SLIRP: variants seen among roughly 807,000 people sequenced by gnomAD.
The protein encoded by SLIRP is SRA stem-loop-interacting RNA-binding protein, mitochondrial.
In SLIRP, 12 loss-of-function variants were observed where a neutral mutation model predicts 13.4. The observed-to-expected ratio is 0.89, with a 90% confidence interval of 0.57 to 1.45. The LOEUF is 1.45. Ranked by LOEUF, SLIRP falls within the 40% of genes most tolerant of loss-of-function variation. The probability of loss-of-function intolerance (pLI) is 0.00; values close to 1 mark genes in which losing one functional copy is unlikely to be tolerated. For missense variants in SLIRP, 154 were observed against 132.2 expected, an observed-to-expected ratio of 1.17 and a Z score of -0.81; for synonymous variants, 55 against 47.1, an observed-to-expected ratio of 1.17 and a Z score of -0.69.
rs1400388657 is a variant in SLIRP at position 77,715,843 on chromosome 14, A to C, written c.228A>C (p.Ala76=). 1.9e-6 allele frequency: 3 copies of C among 1,614,004 alleles called. No individual in the cohort carries two copies. The highest frequency in any genetic ancestry group is 2.7e-5 in the African/African-American group (2 of 74,924). ...QFSSEEGLRN[A]LQQENHIIDG... is the part of the protein sequence containing the mutation. ...CTTCAGAAGAAGGACTTCGGAATGC[A>C]CTACAACAGGAAAATCATATTATAG... Residue 76 remains alanine, a synonymous_variant, in exon 3 of 4, where the codon GCA becomes GCC. Coordinates refer to ENST00000557342, the MANE Select transcript of SLIRP (RefSeq NM_031210.6).
At position 77,709,758 on chromosome 14, in the gene SLIRP, A is replaced by G. The variant is rs534224760; in HGVS notation, c.98-1080A>G. Among the ~76,000 whole-genome samples, 5 of 152,340 alleles carry G rather than the reference A, an allele frequency of 3.3e-5. No individual in the cohort carries two copies. The South Asian group carries it at 8.3e-4, about 25-fold the overall frequency. On this transcript the variant is annotated intron_variant, in intron 1 of 3. Coordinates refer to ENST00000557342, the MANE Select transcript of SLIRP (RefSeq NM_031210.6). ...GGACTTTAATTATCTGGTATAAAACATATGTTTAACATTATTTTGTTCTCC... is the reference window on the plus strand; with the variant it reads ...GGACTTTAATTATCTGGTATAAAACGTATGTTTAACATTATTTTGTTCTCC...
chr14:77,716,579 T>C (rs1595068448), intron 3 of SLIRP, among the ~76,000 whole-genome samples: 1 of 132,888 alleles, frequency 7.5e-6, no homozygotes, highest in South Asian at 2.6e-4. Context: ...GAGACAGAGG[T>C]TGCAGTGAAC....
Position 77,708,145 on chromosome 14 carries a change from C to G in SLIRP, c.34C>G (p.Leu12Val). The change falls in exon 1 of 4, where the codon CTG becomes GTG. Residue 12 changes from leucine to valine, a missense_variant. By Grantham distance (32) the Leu-to-Val change is conservative (BLOSUM62 1). Transcript: ENST00000557342. ...CTCAGCAGCGAGAGGTGCTGCGGCG[C>G]TGCGTAGAAGTATCAATCAGCCGGT... ...AASAARGAAALRRSINQPVAF... is the reference protein window; with the variant it reads ...AASAARGAAAVRRSINQPVAF... 2 of 1,614,158 alleles carry G rather than the reference C, an allele frequency of 1.2e-6. No homozygotes were observed. Among genetic ancestry groups the G allele is most frequent in the Non-Finnish European group, 1.7e-6 (2 of 1,180,022 alleles).
At chr14:77,708,911 A>G (rs1270560081) in intron 1 of SLIRP, among the ~76,000 whole-genome samples, 2 of 152,184 alleles carry the variant, frequency 1.3e-5, no homozygotes, top group African/African-American at 2.4e-5. Context: ...TGGCCATTTA[A>G]TCGTTGTTAT....
At chr14:77,709,611 G>GCAAA (rs2080424740) in intron 1 of SLIRP, among the ~76,000 whole-genome samples, 1 of 152,292 alleles carries the variant, frequency 6.6e-6, no homozygotes, top group South Asian at 2.1e-4. Context: ...ATTTATTTGA[G>GCAAA]TATCTATTCT....
intron 3 of SLIRP, among the ~76,000 whole-genome samples, chr14:77,716,737 T>TATGTAACACAGTGGAC (rs1032242545): frequency 6.6e-6 from 1 of 151,538 alleles, no homozygotes; most frequent in Non-Finnish European, 1.5e-5. Flanking sequence ...GGTAGCAAGA[T>TATGTAACACAGTGGAC]ATGTAACACA....
intron 2 of SLIRP, among the ~76,000 whole-genome samples, chr14:77,714,881 G>A (rs1175703118): frequency 6.6e-6 from 1 of 152,162 alleles, no homozygotes; most frequent in African/African-American, 2.4e-5. Context: ...TTCTGTCGAA[G>A]GGCTGGAGGG....
Position 77,710,537 on chromosome 14 carries a change from A to G in SLIRP, c.98-301A>G, listed in dbSNP as rs533245794. 2.6e-5 allele frequency: 35 copies of G among 1,371,858 alleles called. No homozygotes were observed. The East Asian group carries it at 1.0e-3, about 39-fold the overall frequency. The allele number at this position is 1,371,858 out of a possible 1,614,324, so 85.0% of individuals were successfully genotyped here. On this transcript the variant is annotated intron_variant, in intron 1 of 3. Coordinates refer to ENST00000557342, the MANE Select transcript of SLIRP (RefSeq NM_031210.6). ...TGGATTGTAATTTGTCTTTTTCTTCATTGTGATCTGCTCACAGGGATCATA... is the reference window on the plus strand; with the variant it reads ...TGGATTGTAATTTGTCTTTTTCTTCGTTGTGATCTGCTCACAGGGATCATA...
chr14:77,710,933 G>A (rs778281161), intron 2 of SLIRP, 37 bp downstream of exon 2: 1 of 1,579,412 alleles, frequency 6.3e-7, no homozygotes, highest in Admixed American at 1.7e-5. Flanking sequence ...AGGTGGGGAT[G>A]GCTAATGGGT....
intron 2 of SLIRP, among the ~76,000 whole-genome samples, chr14:77,713,233 T>G (rs1208371413): frequency 6.6e-6 from 1 of 152,230 alleles, no homozygotes; most frequent in Non-Finnish European, 1.5e-5. Flanking sequence ...TTAATTACAT[T>G]TCCTTTGCTT....
At chr14:77,711,629 C>G (rs908090325) in intron 2 of SLIRP, 1 of 152,212 alleles carries the variant, frequency 6.6e-6, no homozygotes, top group African/African-American at 2.4e-5. Flanking sequence ...AGTCATGGCT[C>G]ACTGCAACCT....
In SLIRP at chr14:77,714,499, C is replaced by A. The variant is rs553301490; in HGVS notation, c.157-1273C>A. Among the ~76,000 whole-genome samples the A allele has an allele frequency of 2.0e-5, 3 of 152,326 alleles. 1 individual carries two copies. Among genetic ancestry groups the A allele is most frequent in the Non-Finnish European group, 4.4e-5 (3 of 68,030 alleles). ...TATTTTTAGTAGAGATGGAGTTTCA[C>A]TATGTTGGCCAGGCTGGTCCCAAAC... On this transcript the variant is annotated intron_variant, in intron 2 of 3. Coordinates refer to ENST00000557342, the MANE Select transcript of SLIRP (RefSeq NM_031210.6).
At chr14:77,708,471 T>C (rs968513040) in intron 1 of SLIRP, among the ~76,000 whole-genome samples, 1 of 152,198 alleles carries the variant, frequency 6.6e-6, no homozygotes, top group Non-Finnish European at 1.5e-5. Context: ...AGATTTACAA[T>C]TTAGAAGGGA....
intron 2 of SLIRP, among the ~76,000 whole-genome samples, chr14:77,714,858 C>G (rs2080464400): frequency 6.6e-6 from 1 of 152,246 alleles, no homozygotes; most frequent in Non-Finnish European, 1.5e-5. Flanking sequence ...GACTAGACAT[C>G]TTAATATCTG....
chr14:77,716,068 G>A (rs1222975905), intron 3 of SLIRP, 189 bp downstream of exon 3: 8 of 480,066 alleles, frequency 1.7e-5, no homozygotes, highest in Non-Finnish European at 3.0e-5. Flanking sequence ...TGTAATCCCA[G>A]CACTTTGGGA....
At position 77,717,392 on chromosome 14, in the gene SLIRP, C is replaced by T; in HGVS notation, c.265-104C>T. On this transcript the variant is annotated intron_variant, in intron 3 of 3. Transcript: ENST00000557342. ...AGAACAAGGGACAAATAAAAACTGCCTGGGTTATTCATTATTCATACTGAC... is the reference window on the plus strand; with the variant it reads ...AGAACAAGGGACAAATAAAAACTGCTTGGGTTATTCATTATTCATACTGAC... 3 of 935,908 alleles carry T rather than the reference C, an allele frequency of 3.2e-6. No homozygotes were observed. The East Asian group carries it at 7.3e-5, about 23-fold the overall frequency. 58.0% of individuals were successfully genotyped at this position (935,908 alleles called of 1,614,324 possible).
At chr14:77,716,815 G>A (rs898350389) in intron 3 of SLIRP, among the ~76,000 whole-genome samples, 6 of 151,966 alleles carry the variant, frequency 3.9e-5, no homozygotes, top group Admixed American at 3.9e-4. Context: ...AGGCTAGAGT[G>A]CAATGGTGCA....
intron 3 of SLIRP, among the ~76,000 whole-genome samples, chr14:77,716,811 G>C (rs1468809301): frequency 3.9e-5 from 6 of 151,976 alleles, no homozygotes. Flanking sequence ...GCCCAGGCTA[G>C]AGTGCAATGG....
chr14:77,710,294 C>A (rs1421590775), intron 1 of SLIRP, among the ~76,000 whole-genome samples: 2 of 151,944 alleles, frequency 1.3e-5, no homozygotes, highest in Non-Finnish European at 2.9e-5. Flanking sequence ...GATAGGATTA[C>A]CAACATATGG....
Sources: allele counts gnomAD v4.1 joint callset (sites outside exome capture counted in the v4.1 genomes callset), GRCh38; gene constraint gnomAD v4.1.1; transcripts MANE v1.5; gene names NCBI Gene and HGNC (gene_info 2026-07-23, HGNC 2026-07-21).